The following TMEM132C variants were observed in gnomAD, a reference collection of about 807,000 sequenced individuals.
TMEM132C encodes transmembrane protein 132C, also known as protein phosphatase 1, regulatory subunit 152.
A neutral mutation model predicts 61.4 loss-of-function variants in TMEM132C; 29 were observed. The ratio of observed to expected loss-of-function variants is 0.47; its 90% CI spans 0.35 to 0.64. TMEM132C has a LOEUF of 0.64. Ranked by LOEUF, TMEM132C falls within the 30% of genes least tolerant of loss-of-function variation. The pLI is 0.00. For synonymous variants in TMEM132C, 656 were observed against 633.1 expected (o/e 1.04, Z -0.54); for missense variants, 1,408 against 1,476.9 (o/e 0.95, Z 0.76).
At chr12:128,531,027 G>A (rs1365276456) in intron 2 of TMEM132C, among the ~76,000 whole-genome samples, 1 of 152,190 alleles carries the variant, frequency 6.6e-6, no homozygotes, top group African/African-American at 2.4e-5. Context: ...TGAAAGAAGA[G>A]AAGGAGAGGA....
intron 1 of TMEM132C, among the ~76,000 whole-genome samples, chr12:128,403,351 G>T (rs1875233874): frequency 6.6e-6 from 1 of 152,102 alleles, no homozygotes; most frequent in Admixed American, 6.5e-5. Context: ...GCAGGTGTCT[G>T]ATATCATATG....
At chr12:128,468,571 G>A (rs1403538987) in intron 2 of TMEM132C, among the ~76,000 whole-genome samples, 6 of 151,842 alleles carry the variant, frequency 4.0e-5, no homozygotes, top group Admixed American at 2.6e-4. Flanking sequence ...CGCCCGCCTC[G>A]GCCTCCCAAA....
chr12:128,401,649 G>A (rs1458591044), intron 1 of TMEM132C, among the ~76,000 whole-genome samples: 4 of 152,228 alleles, frequency 2.6e-5, no homozygotes, highest in Non-Finnish European at 5.9e-5. Context: ...AACACATACA[G>A]TATGTGGAAT....
At chr12:128,418,837 T>C (rs1416328505) in intron 2 of TMEM132C, among the ~76,000 whole-genome samples, 1 of 152,236 alleles carries the variant, frequency 6.6e-6, no homozygotes, top group Non-Finnish European at 1.5e-5. Context: ...CTTGAACACC[T>C]GCCAGAGTCT....
At chr12:128,491,260 G>T (rs1871708872) in intron 2 of TMEM132C, among the ~76,000 whole-genome samples, 1 of 152,202 alleles carries the variant, frequency 6.6e-6, no homozygotes, top group Admixed American at 6.5e-5. Flanking sequence ...CCAACTTGCT[G>T]CCTGGAGCCT....
rs375230174 is a variant in TMEM132C, at chr12:128,478,737, T to C, written c.974+63117T>C. 1.1e-4 allele frequency among the ~76,000 whole-genome samples: 17 copies of C among 152,260 alleles called. 1 individual carries two copies. In the South Asian group the frequency reaches 3.1e-3, roughly 28 times the overall value. On this transcript the variant is annotated intron_variant, in intron 2 of 8. Transcript: ENST00000435159. ...AAAGGCACGTAAGCCTCCTGAACTA[T>C]TTGCACACCAGATAGATGCTACAAG...
chr12:128,546,573 T>C (rs1307613712), intron 3 of TMEM132C, among the ~76,000 whole-genome samples: 1 of 152,176 alleles, frequency 6.6e-6, no homozygotes, highest in African/African-American at 2.4e-5. Context: ...TCAGCCATCC[T>C]GAATGTTTTG....
At chr12:128,687,127 G>A (rs1271048695) in intron 5 of TMEM132C, among the ~76,000 whole-genome samples, 1 of 150,360 alleles carries the variant, frequency 6.7e-6, no homozygotes, top group African/African-American at 2.4e-5. Flanking sequence ...ACTTAAACCC[G>A]AGAGGCAGAG....
intron 1 of TMEM132C, among the ~76,000 whole-genome samples, chr12:128,328,280 A>C (rs1181815600): frequency 6.6e-6 from 1 of 152,178 alleles, no homozygotes; most frequent in East Asian, 1.9e-4. Flanking sequence ...GAGCTGGTAA[A>C]AAAGAGTAAT....
intron 2 of TMEM132C, among the ~76,000 whole-genome samples, chr12:128,488,895 A>C (rs967507967): frequency 2.0e-5 from 3 of 152,122 alleles, no homozygotes; most frequent in African/African-American, 7.2e-5. Flanking sequence ...TTTATAAATA[A>C]AATTTTCTCT....
In TMEM132C at chr12:128,421,681, A is replaced by G. The variant is rs569459982; in HGVS notation, c.974+6061A>G. Among the ~76,000 whole-genome samples, 12 of 152,376 alleles carry G rather than the reference A, an allele frequency of 7.9e-5. 1 individual carries two copies. In the South Asian group the frequency reaches 2.1e-3, roughly 26 times the overall value. Reference sequence around the variant, plus strand: ...TGAATTCAAAGGCAACCCTCGCTTTATAATCAAATTAGTTCATGAGACCCA... The same window carrying G: ...TGAATTCAAAGGCAACCCTCGCTTTGTAATCAAATTAGTTCATGAGACCCA... On this transcript the variant is annotated intron_variant, in intron 2 of 8. Transcript: ENST00000435159.
rs1357997141 is a variant in TMEM132C, at chr12:128,697,422, G to C, written c.2121+7G>C. On this transcript the variant is annotated splice_region_variant and intron_variant, in intron 8 of 8. Coordinates refer to ENST00000435159, the MANE Select transcript of TMEM132C (RefSeq NM_001136103.3). Reference sequence around the variant, plus strand: ...GCTGCGGACCCCCAAACAGGTAGGGGGCCAAATGCCAGAGGTTCAGAGGGA... The same window carrying C: ...GCTGCGGACCCCCAAACAGGTAGGGCGCCAAATGCCAGAGGTTCAGAGGGA... 1 of 1,526,972 alleles carries C rather than the reference G, an allele frequency of 6.5e-7. No individual in the cohort carries two copies. Among genetic ancestry groups the C allele is most frequent in the Non-Finnish European group, 8.9e-7 (1 of 1,128,446 alleles). The allele number at this position is 1,526,972 out of a possible 1,614,324, so 94.6% of individuals were successfully genotyped here. A position where few individuals can be genotyped will look rare whatever the true frequency, so the allele number is the denominator to read the frequency against.
chr12:128,498,683 A>G (rs1433467289), intron 2 of TMEM132C, among the ~76,000 whole-genome samples: 1 of 152,176 alleles, frequency 6.6e-6, no homozygotes, highest in African/African-American at 2.4e-5. Context: ...AAAGAAAAAA[A>G]AAGAATCTGC....
At chr12:128,462,595 G>A (rs759757174) in intron 2 of TMEM132C, among the ~76,000 whole-genome samples, 16 of 152,128 alleles carry the variant, frequency 1.1e-4, no homozygotes, top group African/African-American at 2.7e-4. Context: ...GGCATTCTTC[G>A]GAGCTCTTCC....
chr12:128,327,939 G>A (rs1461159161), intron 1 of TMEM132C, among the ~76,000 whole-genome samples: 1 of 152,130 alleles, frequency 6.6e-6, no homozygotes, highest in Non-Finnish European at 1.5e-5. Flanking sequence ...AGAGAGAATA[G>A]ATGTGAATGT....
intron 3 of TMEM132C, among the ~76,000 whole-genome samples, chr12:128,563,494 C>T (rs1010135326): frequency 1.4e-4 from 21 of 152,192 alleles, no homozygotes; most frequent in African/African-American, 5.1e-4. Flanking sequence ...ACCATTGCCA[C>T]AAGCCAAGGA....
chr12:128,563,178 A>C (rs1322492348), intron 3 of TMEM132C, among the ~76,000 whole-genome samples: 1 of 152,250 alleles, frequency 6.6e-6, no homozygotes, highest in Admixed American at 6.5e-5. Context: ...GCACAGAGGA[A>C]GAAGGGGACA....
intron 4 of TMEM132C, among the ~76,000 whole-genome samples, chr12:128,659,966 CG>C (rs1954369510): frequency 6.6e-6 from 1 of 152,202 alleles, no homozygotes; most frequent in East Asian, 1.9e-4. Flanking sequence ...TCAGCTCCAC[CG>C]CGCTGCTGGC....
intron 3 of TMEM132C, among the ~76,000 whole-genome samples, chr12:128,609,962 G>A (rs1269415120): frequency 6.6e-6 from 1 of 152,174 alleles, no homozygotes; most frequent in Non-Finnish European, 1.5e-5. Context: ...TAATTTTGAG[G>A]CATTTGTTCC....
Sources: allele counts gnomAD v4.1 joint callset (sites outside exome capture counted in the v4.1 genomes callset), GRCh38; gene constraint gnomAD v4.1.1; transcripts MANE v1.5; gene names NCBI Gene and HGNC (gene_info 2026-07-23, HGNC 2026-07-21).